TENM2: variants seen among roughly 807,000 people sequenced by gnomAD.
The protein encoded by TENM2 is teneurin transmembrane protein 2, also known as teneurin-2.
In TENM2, 52 loss-of-function variants were observed where a neutral mutation model predicts 245.2. That is an observed-to-expected ratio of 0.21 (90% CI 0.17 to 0.27). The LOEUF (loss-of-function observed/expected upper bound fraction) is 0.27, where lower values mean the gene tolerates loss of function less well. Ranked by LOEUF, TENM2 falls within the 10% of genes least tolerant of loss-of-function variation. The pLI is 1.00. For missense variants in TENM2, 3,046 were observed against 3,666.8 expected (o/e 0.83, Z 4.37); for synonymous variants, 1,363 against 1,438.9 (o/e 0.95, Z 1.19).
At chr5:167,371,702 CTT>C (rs1581868392) in intron 1 of TENM2, among the ~76,000 whole-genome samples, 1 of 151,990 alleles carries the variant, frequency 6.6e-6, no homozygotes. Context: ...ATGGATTGCA[CTT>C]TGTTTATGTG....
At chr5:167,380,225 T>C (rs1012214393) in intron 2 of TENM2, among the ~76,000 whole-genome samples, 1 of 152,114 alleles carries the variant, frequency 6.6e-6, no homozygotes, top group Non-Finnish European at 1.5e-5. Context: ...TTTAAAAAGT[T>C]TATTCATGGG....
chr5:166,998,983 C>A, the TENM2 span, among the ~76,000 whole-genome samples: 1 of 151,124 alleles, frequency 6.6e-6, no homozygotes, highest in Non-Finnish European at 1.5e-5. Context: ...AGAATTCATA[C>A]TGCTATTATA....
chr5:167,168,580 A>G, the TENM2 span, among the ~76,000 whole-genome samples: 1 of 152,194 alleles, frequency 6.6e-6, no homozygotes, highest in Non-Finnish European at 1.5e-5. Flanking sequence ...ACAGAATTCA[A>G]TCTTAAATTT....
chr5:167,519,636 C>A (rs2127580256), intron 2 of TENM2, among the ~76,000 whole-genome samples: 1 of 152,244 alleles, frequency 6.6e-6, no homozygotes, highest in South Asian at 2.1e-4. Context: ...ATCAGTGTTT[C>A]ATTTTGTATA....
In TENM2 at chr5:168,115,431, AAAAAAAG is replaced by A. The variant is rs200945768; in HGVS notation, c.1814-2854_1814-2848del. On this transcript the variant is annotated intron_variant, in intron 9 of 28. Coordinates refer to ENST00000518659, the Ensembl canonical transcript of TENM2. The stretch of plus-strand genomic sequence containing the variant: ...AAGGGAAAGGAAAGGAAGGAAAGAA[AAAAAAAG>A]AAAAAAATTTTATCTATATTTTTTA... Among the ~76,000 whole-genome samples the A allele has an allele frequency of 4.1e-3, 607 of 149,120 alleles. 8 individuals are homozygous for A. The highest frequency in any genetic ancestry group is 0.014 in the African/African-American group (559 of 39,722).
At chr5:167,051,510 G>A in the TENM2 span, among the ~76,000 whole-genome samples, 2 of 151,756 alleles carry the variant, frequency 1.3e-5, no homozygotes, top group Admixed American at 1.3e-4. Flanking sequence ...TTTGGCTATA[G>A]TGTTTTCCAG....
chr5:167,926,718 C>CCACA (rs750351497), intron 3 of TENM2, among the ~76,000 whole-genome samples: 10,802 of 136,698 alleles, frequency 0.079, 415 homozygotes, highest in South Asian at 0.09. Context: ...TGAGATTCCA[C>CCACA]CACACACACA....
At chr5:167,265,648 T>C in the TENM2 span, among the ~76,000 whole-genome samples, 3 of 152,048 alleles carry the variant, frequency 2.0e-5, no homozygotes, top group Admixed American at 6.6e-5. Context: ...GACTGGAAAA[T>C]TGTACAGACT....
chr5:168,209,081 G>A (rs1347914346), intron 19 of TENM2, among the ~76,000 whole-genome samples: 1 of 152,068 alleles, frequency 6.6e-6, no homozygotes, highest in East Asian at 1.9e-4. Flanking sequence ...TCTATAGAAA[G>A]AACAGAGGGA....
chr5:167,698,977 C>T (rs977861844), intron 2 of TENM2, among the ~76,000 whole-genome samples: 9 of 152,008 alleles, frequency 5.9e-5, no homozygotes, highest in African/African-American at 2.2e-4. Flanking sequence ...CCACCCTGCC[C>T]GGCCCCATAA....
chr5:167,063,673 A>G, the TENM2 span, among the ~76,000 whole-genome samples: 1 of 152,206 alleles, frequency 6.6e-6, no homozygotes, highest in Non-Finnish European at 1.5e-5. Flanking sequence ...TAAGCATATG[A>G]CAGATACAGG....
intron 2 of TENM2, among the ~76,000 whole-genome samples, chr5:167,726,179 G>A (rs1469754226): frequency 6.6e-6 from 1 of 152,024 alleles, no homozygotes; most frequent in Non-Finnish European, 1.5e-5. Flanking sequence ...TTTAAAAGGT[G>A]CCTTTAAATC....
At chr5:168,154,534 T>A (rs1756982399) in intron 12 of TENM2, among the ~76,000 whole-genome samples, 1 of 152,190 alleles carries the variant, frequency 6.6e-6, no homozygotes, top group South Asian at 2.1e-4. Context: ...CCCTTTCTCC[T>A]CTTTATTCAA....
intron 2 of TENM2, among the ~76,000 whole-genome samples, chr5:167,853,267 GAGAC>G (rs1235923656): frequency 1.5e-5 from 1 of 67,336 alleles, no homozygotes; most frequent in Admixed American, 2.0e-4. Context: ...TCCAGCCTGG[GAGAC>G]AGAGCGAGAC....
At chr5:168,171,929 C>T (rs969797049) in intron 13 of TENM2, among the ~76,000 whole-genome samples, 1 of 152,228 alleles carries the variant, frequency 6.6e-6, no homozygotes, top group Non-Finnish European at 1.5e-5. Flanking sequence ...CAGGCACACC[C>T]TTGCCATCCC....
chr5:168,010,981 G>A lies in TENM2; in HGVS notation c.1186+17799G>A, dbSNP rs574776001. Among the ~76,000 whole-genome samples, 19 of 152,344 alleles carry A rather than the reference G, an allele frequency of 1.2e-4. No homozygotes were observed. The South Asian group carries it at 3.5e-3, about 28-fold the overall frequency. ...GTGTGAAAAGGATGGATGGGAACCC[G>A]CTAGGTCTTTTTACAGAATATCAAA... On this transcript the variant is annotated intron_variant, in intron 5 of 28. Transcript: ENST00000518659.
chr5:167,338,645 C>T (rs1047118599), intron 1 of TENM2, among the ~76,000 whole-genome samples: 1 of 152,162 alleles, frequency 6.6e-6, no homozygotes, highest in African/African-American at 2.4e-5. Context: ...GGGAAGGTAA[C>T]CCCAATTATA....
chr5:167,667,524 A>T (rs1755653698), intron 2 of TENM2, among the ~76,000 whole-genome samples: 1 of 152,192 alleles, frequency 6.6e-6, no homozygotes, highest in South Asian at 2.1e-4. Context: ...ATTTAGACAA[A>T]CCATAGGTCA....
exon 29 of TENM2, chr5:168,262,584 G>A (rs1199723453): frequency 2.5e-6 from 4 of 1,573,488 alleles, no homozygotes; most frequent in Non-Finnish European, 3.4e-6. Flanking sequence ...GACCAGGCGA[G>A]ACAGAGGGCC....
Sources: allele counts gnomAD v4.1 joint callset (sites outside exome capture counted in the v4.1 genomes callset), GRCh38; gene constraint gnomAD v4.1.1; transcripts MANE v1.5; gene names NCBI Gene and HGNC (gene_info 2026-07-23, HGNC 2026-07-21).